Variants in CLDN16 observed in about 807,000 individuals in gnomAD.
CLDN16 encodes the protein claudin-16.
A neutral mutation model predicts 24.6 loss-of-function variants in CLDN16; 13 were observed. The ratio of observed to expected loss-of-function variants is 0.53; its 90% CI spans 0.34 to 0.84. The LOEUF (loss-of-function observed/expected upper bound fraction) is 0.84, where lower values mean the gene tolerates loss of function less well. Among genes scored for constraint, CLDN16 ranks in the 40% least tolerant of loss-of-function variants. The pLI, the probability that CLDN16 is intolerant of heterozygous loss-of-function variation, is 0.01. For synonymous variants in CLDN16, 116 were observed against 106.7 expected (o/e 1.09, Z -0.54); for missense variants, 298 against 292.7 (o/e 1.02, Z -0.13).
chr3:190,322,370 T>A, upstream of CLDN16: 1 of 681,708 alleles, frequency 1.5e-6, no homozygotes, highest in Non-Finnish European at 2.6e-6. Context: ...TGGGTCGGGG[T>A]TGGGGTCCGC....
At chr3:190,295,133 GC>G in the CLDN16 span, among the ~76,000 whole-genome samples, 1 of 152,056 alleles carries the variant, frequency 6.6e-6, no homozygotes, top group Non-Finnish European at 1.5e-5. Context: ...GTTATCAGAT[GC>G]CTACTAAGTG....
rs571710994 is a variant in CLDN16, at chr3:190,406,689, C to T, written c.383-1625C>T. 2.7e-5 allele frequency among the ~76,000 whole-genome samples: 4 copies of T among 150,088 alleles called. No individual in the cohort carries two copies. The East Asian group carries it at 7.8e-4, about 29-fold the overall frequency. On this transcript the variant is annotated intron_variant, in intron 3 of 4. Transcript: ENST00000264734. ...TGCAGATAATGGCATTATAGCAATG[C>T]TATTGCAATATATACTGCGTTTTCT...
intron 1 of CLDN16, among the ~76,000 whole-genome samples, chr3:190,342,234 A>C (rs1717453726): frequency 6.6e-6 from 1 of 152,204 alleles, no homozygotes; most frequent in Non-Finnish European, 1.5e-5. Flanking sequence ...TGCTGCTGAT[A>C]AGGACATACC....
At chr3:190,313,244 G>A in the CLDN16 span, 5 of 576,616 alleles carry the variant, frequency 8.7e-6, no homozygotes, top group Non-Finnish European at 1.5e-5. Flanking sequence ...TGATGAAAAA[G>A]AGATCCCTCC....
chr3:190,406,701 A>G (rs888233519), intron 3 of CLDN16, among the ~76,000 whole-genome samples: 2 of 150,150 alleles, frequency 1.3e-5, no homozygotes, highest in Non-Finnish European at 3.0e-5. Context: ...ATTGCAATAT[A>G]TACTGCGTTT....
At chr3:190,381,062 G>T (rs1718360393) in intron 3 of CLDN16, among the ~76,000 whole-genome samples, 1 of 152,070 alleles carries the variant, frequency 6.6e-6, no homozygotes, top group African/African-American at 2.4e-5. Flanking sequence ...CCAAAGGTCA[G>T]GACTGGAATA....
intron 1 of CLDN16, among the ~76,000 whole-genome samples, chr3:190,365,393 G>A (rs1357185380): frequency 6.6e-6 from 1 of 151,420 alleles, no homozygotes; most frequent in Non-Finnish European, 1.5e-5. Context: ...AGTGTCTTTT[G>A]GATTCTTCCA....
chr3:190,406,787 G>C (rs1314580500), intron 3 of CLDN16, among the ~76,000 whole-genome samples: 1 of 144,270 alleles, frequency 6.9e-6, no homozygotes, highest in East Asian at 2.0e-4. Flanking sequence ...TGTCGCCCAG[G>C]CTGGAGTGCA....
chr3:190,298,022 G>C, the CLDN16 span, among the ~76,000 whole-genome samples: 2 of 152,094 alleles, frequency 1.3e-5, no homozygotes, highest in African/African-American at 4.8e-5. Flanking sequence ...TATGACCATG[G>C]ACAACCATTC....
At chr3:190,317,429 A>G in the CLDN16 span, among the ~76,000 whole-genome samples, 1 of 152,212 alleles carries the variant, frequency 6.6e-6, no homozygotes, top group Admixed American at 6.5e-5. Context: ...AAATACTTAC[A>G]AAGATCTCTA....
chr3:190,371,161 T>G (rs1320751403), intron 2 of CLDN16, among the ~76,000 whole-genome samples: 2 of 149,794 alleles, frequency 1.3e-5, no homozygotes, highest in Non-Finnish European at 3.0e-5. Flanking sequence ...ATTAGTTCTG[T>G]TCCTTGCAGA....
intron 3 of CLDN16, among the ~76,000 whole-genome samples, chr3:190,376,815 T>C (rs1718258140): frequency 6.6e-6 from 1 of 151,940 alleles, no homozygotes; most frequent in African/African-American, 2.4e-5. Context: ...TCAGAGAAGC[T>C]ATCTCAGGCA....
chr3:190,304,225 TATGA>T, the CLDN16 span, among the ~76,000 whole-genome samples: 2 of 152,292 alleles, frequency 1.3e-5, no homozygotes, highest in Non-Finnish European at 2.9e-5. Context: ...GCCTTCATTT[TATGA>T]ATGAAGAAAC....
At chr3:190,385,110 G>C (rs1203916237), upstream of CLDN16, among the ~76,000 whole-genome samples, 4 of 152,056 alleles carry the variant, frequency 2.6e-5, no homozygotes, top group Non-Finnish European at 5.9e-5. Flanking sequence ...TATTTTCTCT[G>C]TGTCCCAAGA....
chr3:190,410,292 G>T lies in CLDN16; in HGVS notation c.*256G>T. 1 of 461,714 alleles carries T rather than the reference G, an allele frequency of 2.2e-6. No individual in the cohort carries two copies. Among genetic ancestry groups the T allele is most frequent in the South Asian group, 2.5e-5 (1 of 40,672 alleles). 28.6% of individuals were successfully genotyped at this position (461,714 alleles called of 1,614,324 possible). ...TTTAAGATAAGTCTGCTAGGATGTA[G>T]AAATATTTGTTTGTGATTTCTATAT... On this transcript the variant is annotated 3_prime_UTR_variant, in exon 5 of 5. Coordinates refer to ENST00000264734, the MANE Select transcript of CLDN16 (RefSeq NM_006580.4).
At chr3:190,405,012 C>T (rs1719057533) in intron 3 of CLDN16, 86 bp downstream of exon 3, 2 of 1,355,964 alleles carry the variant, frequency 1.5e-6, no homozygotes, top group Admixed American at 1.7e-5. Flanking sequence ...TGAAGCTGCT[C>T]ATTTTCGGAT....
At chr3:190,357,811 G>T (rs983815799) in intron 1 of CLDN16, among the ~76,000 whole-genome samples, 2 of 151,758 alleles carry the variant, frequency 1.3e-5, no homozygotes, top group African/African-American at 4.8e-5. Flanking sequence ...GCCATCTTTG[G>T]GTCTGTATCG....
At chr3:190,295,297 G>C in the CLDN16 span, among the ~76,000 whole-genome samples, 2 of 152,006 alleles carry the variant, frequency 1.3e-5, no homozygotes. Context: ...AATAAACTCA[G>C]AGAAAAAAAG....
At chr3:190,324,485 C>CAAAT (rs201565781) in intron 1 of CLDN16, among the ~76,000 whole-genome samples, 302 of 152,172 alleles carry the variant, frequency 2.0e-3, no homozygotes, top group African/African-American at 6.1e-3. Flanking sequence ...CCCATCTCAA[C>CAAAT]AAATAAATAA....
Sources: gnomAD v4.1 joint callset for allele counts (sites outside exome capture counted in the v4.1 genomes callset) on GRCh38, gnomAD v4.1.1 for gene constraint, MANE v1.5 for transcripts, NCBI Gene and HGNC (gene_info 2026-07-23, HGNC 2026-07-21) for gene names.